Variants in KHDRBS2 observed in about 807,000 individuals in gnomAD.
KHDRBS2 encodes the protein KH RNA binding domain containing, signal transduction associated 2, also known as KH domain-containing, RNA-binding, signal transduction-associated protein 2.
A neutral mutation model predicts 44.3 loss-of-function variants in KHDRBS2; 26 were observed. The observed-to-expected ratio is 0.59, with a 90% CI of 0.43 to 0.81. The LOEUF (loss-of-function observed/expected upper bound fraction) is 0.81, where lower values mean the gene tolerates loss of function less well. KHDRBS2 is among the 40% of genes least tolerant of loss of function. The pLI is 0.00. For missense variants in KHDRBS2, 476 were observed against 433.1 expected (o/e 1.10, Z -0.88); for synonymous variants, 194 against 151.1 (o/e 1.28, Z -2.08).
At chr6:61,913,829 T>A (rs1806484309) in intron 4 of KHDRBS2, among the ~76,000 whole-genome samples, 2 of 150,002 alleles carry the variant, frequency 1.3e-5, no homozygotes, top group African/African-American at 2.5e-5. Flanking sequence ...TCCAGGTAAA[T>A]GGAATGCAAA....
intron 4 of KHDRBS2, among the ~76,000 whole-genome samples, chr6:61,908,469 C>A (rs1273726489): frequency 6.6e-6 from 1 of 151,422 alleles, no homozygotes. Flanking sequence ...GCAGTCTCTA[C>A]TAAAAATACA....
chr6:62,167,728 T>A (rs889890381), intron 2 of KHDRBS2, among the ~76,000 whole-genome samples: 1 of 152,154 alleles, frequency 6.6e-6, no homozygotes, highest in African/African-American at 2.4e-5. Context: ...TGGTCTGTGG[T>A]AAAGATAAAA....
At chr6:61,754,178 A>G (rs943452370) in intron 6 of KHDRBS2, among the ~76,000 whole-genome samples, 1 of 152,148 alleles carries the variant, frequency 6.6e-6, no homozygotes, top group Non-Finnish European at 1.5e-5. Context: ...ACAGATTTGG[A>G]TGACTAAAAA....
chr6:62,013,545 A>G (rs966258916), intron 3 of KHDRBS2, among the ~76,000 whole-genome samples: 2 of 152,082 alleles, frequency 1.3e-5, no homozygotes, highest in African/African-American at 4.8e-5. Context: ...TGTGTTTAGT[A>G]CAATGTAAAA....
chr6:61,576,870 A>G, the KHDRBS2 span, among the ~76,000 whole-genome samples: 7 of 152,176 alleles, frequency 4.6e-5, no homozygotes, highest in African/African-American at 1.7e-4. Flanking sequence ...CAGTTAAAAT[A>G]CTGTCTAATT....
intron 3 of KHDRBS2, among the ~76,000 whole-genome samples, chr6:62,044,517 A>G (rs1432811734): frequency 6.6e-6 from 1 of 152,062 alleles, no homozygotes; most frequent in African/African-American, 2.4e-5. Flanking sequence ...AAAAAGAAAG[A>G]AAAAGAAAAA....
chr6:61,557,669 C>T, the KHDRBS2 span, among the ~76,000 whole-genome samples: 1 of 152,058 alleles, frequency 6.6e-6, no homozygotes, highest in Non-Finnish European at 1.5e-5. Flanking sequence ...TGGAAGTATT[C>T]TCTTCTCTAT....
chr6:61,599,403 T>C, the KHDRBS2 span, among the ~76,000 whole-genome samples: 3 of 152,138 alleles, frequency 2.0e-5, no homozygotes, highest in African/African-American at 4.8e-5. Flanking sequence ...AGGTAACTTT[T>C]AAGATTTTGA....
intron 1 of KHDRBS2, among the ~76,000 whole-genome samples, chr6:62,273,034 C>T (rs1369898476): frequency 6.6e-6 from 1 of 152,140 alleles, no homozygotes; most frequent in Non-Finnish European, 1.5e-5. Flanking sequence ...AGTTAAAGTA[C>T]TTCACTCAGA....
At chr6:61,996,789 C>A (rs75069400) in intron 3 of KHDRBS2, among the ~76,000 whole-genome samples, 2 of 149,234 alleles carry the variant, frequency 1.3e-5, no homozygotes, top group Non-Finnish European at 3.0e-5. Context: ...CCTCCTCCCC[C>A]CCTCACCCCC....
At chr6:61,682,521 TATAA>T (rs1766416255) in intron 8 of KHDRBS2, among the ~76,000 whole-genome samples, 1 of 151,932 alleles carries the variant, frequency 6.6e-6, no homozygotes, top group African/African-American at 2.4e-5. Context: ...CTGATTGTTT[TATAA>T]ATAGTTTTAC....
chr6:62,067,501 A>G (rs1794010997), intron 2 of KHDRBS2, among the ~76,000 whole-genome samples: 2 of 151,544 alleles, frequency 1.3e-5, no homozygotes, highest in South Asian at 2.1e-4. Flanking sequence ...ATGTACCTCT[A>G]CAGATGATTT....
At chr6:61,723,550 AAAACAAAC>A (rs199689641) in intron 7 of KHDRBS2, among the ~76,000 whole-genome samples, 5 of 151,974 alleles carry the variant, frequency 3.3e-5, no homozygotes, top group African/African-American at 7.3e-5. Flanking sequence ...CTCCATCTCA[AAAACAAAC>A]AAACAAACAA....
Position 61,936,453 on chromosome 6 carries a change from T to C in KHDRBS2, c.484-35082A>G, listed in dbSNP as rs143003680. ...TTTTATTTTTCATTTAGTGTTATCC[T>C]GTATCTCCCTCTACATTGCTTTAAC... On this transcript the variant is annotated intron_variant, in intron 4 of 8. Transcript: ENST00000281156. Among the ~76,000 whole-genome samples the C allele has an allele frequency of 2.4e-3, 361 of 152,186 alleles. 3 individuals carry two copies. The highest frequency in any genetic ancestry group is 8.4e-3 in the African/African-American group (348 of 41,578).
intron 2 of KHDRBS2, among the ~76,000 whole-genome samples, chr6:62,059,308 A>T (rs566959256): frequency 6.8e-6 from 1 of 146,768 alleles, no homozygotes; most frequent in Non-Finnish European, 1.5e-5. Context: ...AACAAGTTCC[A>T]AAAAAGAAAA....
At chr6:62,155,818 G>T (rs1816242539) in intron 2 of KHDRBS2, among the ~76,000 whole-genome samples, 1 of 152,102 alleles carries the variant, frequency 6.6e-6, no homozygotes, top group Non-Finnish European at 1.5e-5. Flanking sequence ...TTACATGAAG[G>T]GTGAAAATGG....
intron 2 of KHDRBS2, among the ~76,000 whole-genome samples, chr6:62,130,606 T>C (rs557618653): frequency 1.3e-5 from 2 of 152,078 alleles, no homozygotes; most frequent in East Asian, 3.9e-4. Flanking sequence ...TGTTAATATA[T>C]AATGAATAAT....
At chr6:62,092,907 T>A (rs1228179851) in intron 2 of KHDRBS2, among the ~76,000 whole-genome samples, 1 of 151,998 alleles carries the variant, frequency 6.6e-6, no homozygotes, top group African/African-American at 2.4e-5. Context: ...GATATTTAGA[T>A]AAAACCATCA....
chr6:62,066,771 T>C (rs1192290270), intron 2 of KHDRBS2, among the ~76,000 whole-genome samples: 2 of 151,646 alleles, frequency 1.3e-5, no homozygotes, highest in African/African-American at 2.4e-5. Flanking sequence ...CTCTATGTAA[T>C]TTACATTCTA....
Sources: allele counts gnomAD v4.1 joint callset (sites outside exome capture counted in the v4.1 genomes callset), GRCh38; gene constraint gnomAD v4.1.1; transcripts MANE v1.5; gene names NCBI Gene and HGNC (gene_info 2026-07-23, HGNC 2026-07-21).